GLRA2: variants seen among roughly 807,000 people sequenced by gnomAD.
GLRA2 encodes the protein glycine receptor subunit alpha-2.
In GLRA2, 11 loss-of-function variants were observed where a neutral mutation model predicts 31.6. The ratio of observed to expected loss-of-function variants is 0.35; its 90% CI spans 0.22 to 0.58. The LOEUF is 0.58. GLRA2 is among the 20% of genes least tolerant of loss of function. The pLI, the probability that GLRA2 is intolerant of heterozygous loss-of-function variation, is 0.84. For synonymous variants in GLRA2, 132 were observed against 134.0 expected (o/e 0.99, Z 0.10); for missense variants, 212 against 351.8 (o/e 0.60, Z 3.18).
At chrX:14,495,656 C>T in the GLRA2 span, among the ~76,000 whole-genome samples, 46 of 107,449 alleles carry the variant, frequency 4.3e-4, no homozygotes, top group African/African-American at 1.5e-3. Context: ...GCATATATAT[C>T]CTTATATACT....
At chrX:14,461,326 C>A in the GLRA2 span, among the ~76,000 whole-genome samples, 5 of 111,600 alleles carry the variant, frequency 4.5e-5, no homozygotes, top group African/African-American at 1.6e-4. Flanking sequence ...GTATATCCTG[C>A]TGATTTGAGG....
the GLRA2 span, among the ~76,000 whole-genome samples, chrX:14,503,946 T>C: frequency 8.9e-6 from 1 of 111,928 alleles, no homozygotes; most frequent in African/African-American, 3.3e-5. Flanking sequence ...AATTTACTCA[T>C]ATATAGAAAA....
At chrX:14,651,627 A>G (rs1201890232) in intron 7 of GLRA2, among the ~76,000 whole-genome samples, 1 of 111,892 alleles carries the variant, frequency 8.9e-6, no homozygotes, top group Admixed American at 9.5e-5. Flanking sequence ...GATATGCCAT[A>G]TAGCCTAGAT....
intron 7 of GLRA2, among the ~76,000 whole-genome samples, chrX:14,619,228 T>C (rs2090488031): frequency 9.0e-6 from 1 of 110,710 alleles, no homozygotes. Context: ...TATATTGTAT[T>C]TTCAACACAA....
chrX:14,506,440 A>G, the GLRA2 span, among the ~76,000 whole-genome samples: 1 of 111,052 alleles, frequency 9.0e-6, no homozygotes, highest in Non-Finnish European at 1.9e-5. Flanking sequence ...TCCCTTTGCC[A>G]TGTTGGCTTC....
chrX:14,681,910 A>AAATAT (rs758563376), intron 7 of GLRA2, among the ~76,000 whole-genome samples: 4 of 41,296 alleles, frequency 9.7e-5, no homozygotes, highest in African/African-American at 4.9e-4. Flanking sequence ...AAAAAAAAAA[A>AAATAT]ATATATATAT....
rs777964062 is a variant in GLRA2, at chrX:14,556,576, G to A, written c.203-17757G>A. 7.2e-5 allele frequency among the ~76,000 whole-genome samples: 8 copies of A among 111,817 alleles called. No individual in the cohort carries two copies. In the South Asian group the frequency reaches 3.0e-3, roughly 42 times the overall value. Reference sequence around the variant, plus strand: ...TCTTACAAATTGTTCTCAACCTGAAGGTTCCATTTAGCCTCTGAGATCTTT... The same window carrying A: ...TCTTACAAATTGTTCTCAACCTGAAAGTTCCATTTAGCCTCTGAGATCTTT... On this transcript the variant is annotated intron_variant, in intron 2 of 8. Coordinates refer to ENST00000218075, the MANE Select transcript of GLRA2 (RefSeq NM_002063.4).
chrX:14,458,660 T>C, the GLRA2 span, among the ~76,000 whole-genome samples: 1 of 112,570 alleles, frequency 8.9e-6, no homozygotes, highest in Non-Finnish European at 1.9e-5. Context: ...GTGGGCTGCA[T>C]AAATGTCTTC....
At chrX:14,462,457 C>T in the GLRA2 span, among the ~76,000 whole-genome samples, 2 of 111,963 alleles carry the variant, frequency 1.8e-5, no homozygotes, top group South Asian at 3.7e-4. Flanking sequence ...AACTTGGTTC[C>T]ATTCTCCCAG....
chrX:14,600,010 G>A (rs946644958), intron 4 of GLRA2, among the ~76,000 whole-genome samples: 69 of 110,523 alleles, frequency 6.2e-4, no homozygotes, highest in African/African-American at 2.1e-3. Flanking sequence ...CTGGGTTCCA[G>A]TACAAAACCT....
At chrX:14,645,764 A>C (rs745590197) in intron 7 of GLRA2, among the ~76,000 whole-genome samples, 3 of 111,931 alleles carry the variant, frequency 2.7e-5, no homozygotes, top group Non-Finnish European at 5.6e-5. Flanking sequence ...ATGTGCCTTG[A>C]ACAATAATTA....
the GLRA2 span, among the ~76,000 whole-genome samples, chrX:14,509,385 A>T: frequency 1.8e-5 from 2 of 113,076 alleles, no homozygotes; most frequent in Non-Finnish European, 3.7e-5. Flanking sequence ...TTAAGTAAAC[A>T]TGATAACATT....
intron 8 of GLRA2, among the ~76,000 whole-genome samples, chrX:14,724,889 T>C (rs1368996611): frequency 9.0e-6 from 1 of 111,548 alleles, no homozygotes; most frequent in African/African-American, 3.3e-5. Flanking sequence ...ACTTTGTTGT[T>C]CTGCAAAGCT....
chrX:14,617,412 A>AT (rs974144826), intron 7 of GLRA2, among the ~76,000 whole-genome samples: 42 of 111,804 alleles, frequency 3.8e-4, no homozygotes, highest in Admixed American at 2.0e-3. Context: ...GTAAAGGCAG[A>AT]TTTTTTTACA....
At chrX:14,458,234 G>T in the GLRA2 span, among the ~76,000 whole-genome samples, 1 of 111,357 alleles carries the variant, frequency 9.0e-6, no homozygotes, top group African/African-American at 3.3e-5. Flanking sequence ...GTATTCCATG[G>T]TGTATATGTG....
At chrX:14,668,732 G>A (rs963385452) in intron 7 of GLRA2, among the ~76,000 whole-genome samples, 35 of 111,612 alleles carry the variant, frequency 3.1e-4, no homozygotes, top group Middle Eastern at 4.6e-3. Flanking sequence ...AGAATAGCAC[G>A]GGAAAGACCT....
chrX:14,475,904 T>C, the GLRA2 span, among the ~76,000 whole-genome samples: 1 of 111,893 alleles, frequency 8.9e-6, no homozygotes, highest in Non-Finnish European at 1.9e-5. Flanking sequence ...TATTTAAACA[T>C]TTTTGTTTCT....
chrX:14,550,606 A>G (rs1044285261), intron 2 of GLRA2, among the ~76,000 whole-genome samples: 13 of 111,200 alleles, frequency 1.2e-4, no homozygotes, highest in Admixed American at 2.9e-4. Context: ...GAAGCTAAAA[A>G]AGAGCATCAG....
At position 14,539,773 on chromosome X, in the gene GLRA2, C is replaced by T. The variant is rs1219457365; in HGVS notation, c.202+7401C>T. Among the ~76,000 whole-genome samples the T allele has an allele frequency of 3.6e-5, 4 of 111,976 alleles. No homozygotes were observed. In the South Asian group the frequency reaches 1.5e-3, roughly 41 times the overall value. ...ATTATCATTTGAGAAAAGGCATCTT[C>T]ACCTATCTGTGAAGTATATATATGA... is the stretch of plus-strand genomic sequence containing the variant. On this transcript the variant is annotated intron_variant, in intron 2 of 8. Coordinates refer to ENST00000218075, the MANE Select transcript of GLRA2 (RefSeq NM_002063.4).
Sources: allele counts gnomAD v4.1 joint callset (sites outside exome capture counted in the v4.1 genomes callset), GRCh38; gene constraint gnomAD v4.1.1; transcripts MANE v1.5; gene names NCBI Gene and HGNC (gene_info 2026-07-23, HGNC 2026-07-21).